The following CLVS2 variants were observed in gnomAD, a reference collection of about 807,000 sequenced individuals.
CLVS2 encodes the protein clavesin 2, also known as clavesin-2.
CLVS2 carries 19 observed loss-of-function variants against 29.0 expected under a neutral mutation model. That is an observed-to-expected ratio of 0.66 (90% CI 0.46 to 0.96). CLVS2 has a LOEUF of 0.96. Among genes scored for constraint, CLVS2 ranks in the 40% least tolerant of loss-of-function variants. The pLI, the probability that CLVS2 is intolerant of heterozygous loss-of-function variation, is 0.00. For synonymous variants in CLVS2, 161 were observed against 151.3 expected, an observed-to-expected ratio of 1.06 and a Z score of -0.47; for missense variants, 294 against 404.1, an observed-to-expected ratio of 0.73 and a Z score of 2.34.
chr6:123,060,239 C>A (rs1445234152), intron 5 of CLVS2, among the ~76,000 whole-genome samples: 2 of 152,078 alleles, frequency 1.3e-5, no homozygotes, highest in African/African-American at 4.8e-5. Flanking sequence ...GATGACTTGT[C>A]TTTTTGTATT....
rs901828881 is a variant in CLVS2, at chr6:123,006,332, A to T, written c.390-4653A>T. On this transcript the variant is annotated intron_variant, in intron 2 of 5. Coordinates refer to ENST00000275162, the MANE Select transcript of CLVS2 (RefSeq NM_001010852.4). Reference sequence around the variant, plus strand: ...GGTGTACAAAACAAGAAGTATGGTTATTAAGGGAATGGTGCAGTTTTGAAA... The same window carrying T: ...GGTGTACAAAACAAGAAGTATGGTTTTTAAGGGAATGGTGCAGTTTTGAAA... 4.6e-5 allele frequency among the ~76,000 whole-genome samples: 7 copies of T among 152,202 alleles called. No homozygotes were observed. The East Asian group carries it at 1.3e-3, about 29-fold the overall frequency.
At chr6:123,027,871 T>C (rs1775026427) in intron 3 of CLVS2, among the ~76,000 whole-genome samples, 1 of 152,226 alleles carries the variant, frequency 6.6e-6, no homozygotes, top group African/African-American at 2.4e-5. Flanking sequence ...AGAAGGTTTA[T>C]ATTTGCATTT....
rs533617329 is a variant in CLVS2, at chr6:123,069,173, A to G, written c.*5412A>G. ...TCAAATGAAAGTTTGAAAGAAGTAA[A>G]CTAATGTTTTAATTACATATAGCAA... On this transcript the variant is annotated 3_prime_UTR_variant, in exon 6 of 6. Coordinates refer to ENST00000275162, the MANE Select transcript of CLVS2 (RefSeq NM_001010852.4). 6.6e-6 allele frequency: 1 copy of G among 151,950 alleles called. No individual in the cohort carries two copies. The highest frequency in any genetic ancestry group is 1.5e-5 in the Non-Finnish European group (1 of 67,810). The allele number at this position is 151,950 out of a possible 1,614,324, so 9.4% of individuals were successfully genotyped here. A position where few individuals can be genotyped will look rare whatever the true frequency, so the allele number is the denominator to read the frequency against.
At chr6:123,062,758 C>A (rs1301437534) in intron 5 of CLVS2, among the ~76,000 whole-genome samples, 1 of 152,134 alleles carries the variant, frequency 6.6e-6, no homozygotes. Context: ...ATGAGGTCTG[C>A]TAAGAGGCAT....
At chr6:123,031,923 T>C (rs1168579850) in intron 3 of CLVS2, among the ~76,000 whole-genome samples, 1 of 152,190 alleles carries the variant, frequency 6.6e-6, no homozygotes, top group African/African-American at 2.4e-5. Flanking sequence ...GAAGAGATTA[T>C]AGTTACAAGC....
chr6:123,033,825 G>A (rs949919665), intron 3 of CLVS2, among the ~76,000 whole-genome samples: 10 of 151,902 alleles, frequency 6.6e-5, no homozygotes, highest in African/African-American at 2.4e-4. Flanking sequence ...TCTGACAAAA[G>A]ACTTTTATCT....
intron 3 of CLVS2, among the ~76,000 whole-genome samples, chr6:123,027,440 T>A (rs1161699907): frequency 6.6e-6 from 1 of 152,076 alleles, no homozygotes; most frequent in Non-Finnish European, 1.5e-5. Flanking sequence ...AAGGGGGAGA[T>A]AGTTTTGTCT....
chr6:123,018,305 C>T (rs188099694), intron 3 of CLVS2, among the ~76,000 whole-genome samples: 1 of 152,072 alleles, frequency 6.6e-6, no homozygotes, highest in East Asian at 1.9e-4. Flanking sequence ...CCCAGCAAAA[C>T]CTCGTTTTTT....
At chr6:123,062,883 G>T (rs1247572791) in intron 5 of CLVS2, among the ~76,000 whole-genome samples, 1 of 152,168 alleles carries the variant, frequency 6.6e-6, no homozygotes, top group Non-Finnish European at 1.5e-5. Flanking sequence ...TAAGATGGCA[G>T]CTTCCTGCCA....
At chr6:123,059,592 G>T (rs1263653918) in intron 5 of CLVS2, among the ~76,000 whole-genome samples, 1 of 152,116 alleles carries the variant, frequency 6.6e-6, no homozygotes, top group East Asian at 1.9e-4. Context: ...CAGAGTTCTG[G>T]CTTTGCAGGA....
intron 3 of CLVS2, among the ~76,000 whole-genome samples, chr6:123,045,916 A>T (rs1441404490): frequency 6.6e-6 from 1 of 152,176 alleles, no homozygotes; most frequent in Non-Finnish European, 1.5e-5. Context: ...TTAAGGGATT[A>T]GTAAAACCAG....
intron 5 of CLVS2, among the ~76,000 whole-genome samples, chr6:123,058,050 CT>C: frequency 6.6e-6 from 1 of 152,162 alleles, no homozygotes; most frequent in African/African-American, 2.4e-5. Flanking sequence ...TTAAAAGCAA[CT>C]CCCCCTAAAA....
At chr6:122,998,815 G>T (rs146513254) in intron 2 of CLVS2, among the ~76,000 whole-genome samples, 4 of 152,126 alleles carry the variant, frequency 2.6e-5, no homozygotes, top group African/African-American at 9.7e-5. Flanking sequence ...TCCTACACCT[G>T]CCACTAATCT....
Position 123,055,978 on chromosome 6 carries a change from T to C in CLVS2, c.848T>C (p.Met283Thr), listed in dbSNP as rs1390592246. The change falls in exon 5 of 6, where the codon ATG becomes ACG. Residue 283 changes from methionine to threonine, a missense_variant. Transcript: ENST00000275162. ...GAGTACAATGTAGACTCCTACAGCA[T>C]GCCTGTGAAGGAAGTAGAGAAGGAA... is the stretch of plus-strand genomic sequence containing the variant. ...DSEYNVDSYS[M>T]PVKEVEKELS... is the part of the protein sequence containing the mutation. 3.1e-6 allele frequency: 5 copies of C among 1,613,844 alleles called. No homozygotes were observed. The Admixed American group carries it at 8.3e-5, about 27-fold the overall frequency.
intron 2 of CLVS2, among the ~76,000 whole-genome samples, chr6:123,010,041 C>G (rs1012838994): frequency 6.6e-6 from 1 of 151,986 alleles, no homozygotes; most frequent in African/African-American, 2.4e-5. Context: ...CCAACAGTAT[C>G]CTATTTTTGC....
At chr6:123,062,092 C>A (rs912536104) in intron 5 of CLVS2, among the ~76,000 whole-genome samples, 1 of 152,236 alleles carries the variant, frequency 6.6e-6, no homozygotes, top group African/African-American at 2.4e-5. Context: ...GATAAAGTCC[C>A]TGCTTATGGA....
chr6:123,000,031 C>T (rs1402047202), intron 2 of CLVS2, among the ~76,000 whole-genome samples: 26 of 151,996 alleles, frequency 1.7e-4, no homozygotes, highest in Non-Finnish European at 3.8e-4. Context: ...ATTCTCTTTC[C>T]CTAGAAATCT....
Position 123,017,409 on chromosome 6 carries a change from G to T in CLVS2, c.564+6250G>T, listed in dbSNP as rs545044726. Among the ~76,000 whole-genome samples the T allele has an allele frequency of 5.3e-5, 8 of 152,168 alleles. No homozygotes were observed. The East Asian group carries it at 7.8e-4, about 15-fold the overall frequency. ...AGACTCGTGAACTGTATTCATTCAG[G>T]CAGCCTGGAGATGGGAACGTTTATT... On this transcript the variant is annotated intron_variant, in intron 3 of 5. Transcript: ENST00000275162.
rs909556124 is a variant in CLVS2 at position 123,066,753 on chromosome 6, C to T, written c.*2992C>T. On this transcript the variant is annotated 3_prime_UTR_variant, in exon 6 of 6. Transcript: ENST00000275162. ...CCTCTTTGAAAATGGAATAAAGCAA[C>T]GTTACTGGCATATGGATTTTATTTG... is the stretch of plus-strand genomic sequence containing the variant. 1.3e-5 allele frequency: 2 copies of T among 151,630 alleles called. No homozygotes were observed. Among genetic ancestry groups the T allele is most frequent in the African/African-American group, 2.4e-5 (1 of 41,368 alleles). The allele number at this position is 151,630 out of a possible 1,614,324, so 9.4% of individuals were successfully genotyped here.
Sources: gnomAD v4.1 joint callset for allele counts (sites outside exome capture counted in the v4.1 genomes callset) on GRCh38, gnomAD v4.1.1 for gene constraint, MANE v1.5 for transcripts, NCBI Gene and HGNC (gene_info 2026-07-23, HGNC 2026-07-21) for gene names.